Variants in ATRNL1 observed in about 807,000 individuals in gnomAD.
ATRNL1 encodes attractin like 1.
In ATRNL1, 95 loss-of-function variants were observed where a neutral mutation model predicts 182.7. That is an observed-to-expected ratio of 0.52 (90% CI 0.44 to 0.62). ATRNL1 has a LOEUF of 0.62. Among genes scored for constraint, ATRNL1 ranks in the 20% least tolerant of loss-of-function variants. The pLI, the probability that ATRNL1 is intolerant of heterozygous loss-of-function variation, is 0.00. For missense variants in ATRNL1, 1,471 were observed against 1,679.5 expected, an observed-to-expected ratio of 0.88 and a Z score of 2.17; for synonymous variants, 576 against 568.3, an observed-to-expected ratio of 1.01 and a Z score of -0.19.
chr10:115,271,468 C>T (rs782811876), intron 13 of ATRNL1, among the ~76,000 whole-genome samples: 3 of 151,876 alleles, frequency 2.0e-5, no homozygotes, highest in Non-Finnish European at 4.4e-5. Flanking sequence ...GGCAATTCCT[C>T]AACGATCTAG....
Position 115,103,178 on chromosome 10 carries a change from C to T in ATRNL1, c.293+9135C>T, listed in dbSNP as rs139995873. Among the ~76,000 whole-genome samples the T allele has an allele frequency of 3.8e-3, 571 of 151,670 alleles. 7 individuals are homozygous for T. Among genetic ancestry groups the T allele is most frequent in the African/African-American group, 0.014 (561 of 41,346 alleles). On this transcript the variant is annotated intron_variant, in intron 1 of 28. Transcript: ENST00000355044. ...TCAGCCTCCTGAGTAGCTGGGATTACGGGCGCCCATCATCACGCCTGGCTG... is the reference window on the plus strand; with the variant it reads ...TCAGCCTCCTGAGTAGCTGGGATTATGGGCGCCCATCATCACGCCTGGCTG...
At chr10:115,299,766 G>C (rs568927998) in intron 15 of ATRNL1, among the ~76,000 whole-genome samples, 1 of 152,160 alleles carries the variant, frequency 6.6e-6, no homozygotes, top group African/African-American at 2.4e-5. Flanking sequence ...CTTTATAGAA[G>C]AGTAAACTGA....
At chr10:115,098,453 CTTTTTTTT>C (rs71010006) in intron 1 of ATRNL1, among the ~76,000 whole-genome samples, 151 of 80,748 alleles carry the variant, frequency 1.9e-3, no homozygotes, top group African/African-American at 7.0e-3. Flanking sequence ...ATACTAGTTT[CTTTTTTTT>C]TTTTTTTTTT....
At chr10:115,920,967 G>A (rs918487949) in intron 28 of ATRNL1, among the ~76,000 whole-genome samples, 2 of 152,112 alleles carry the variant, frequency 1.3e-5, no homozygotes, top group African/African-American at 4.8e-5. Flanking sequence ...GTTAGAAATA[G>A]TACAATAACA....
intron 18 of ATRNL1, among the ~76,000 whole-genome samples, chr10:115,318,192 C>T (rs758556749): frequency 2.0e-5 from 3 of 152,064 alleles, no homozygotes; most frequent in East Asian, 1.9e-4. Context: ...CGAGGAGTTA[C>T]GTTTATTGAT....
At chr10:115,432,331 C>G (rs1554964155) in intron 21 of ATRNL1, among the ~76,000 whole-genome samples, 2 of 152,022 alleles carry the variant, frequency 1.3e-5, no homozygotes, top group African/African-American at 4.8e-5. Flanking sequence ...TTGGACAACT[C>G]TTCTCTAGAT....
At chr10:115,387,447 T>C (rs1009086580) in intron 19 of ATRNL1, among the ~76,000 whole-genome samples, 29 of 152,230 alleles carry the variant, frequency 1.9e-4, no homozygotes, top group Non-Finnish European at 3.1e-4. Context: ...ATTAATATAA[T>C]TGTTTTCTAT....
chr10:115,734,154 A>G (rs546475629), intron 27 of ATRNL1, among the ~76,000 whole-genome samples: 7 of 151,586 alleles, frequency 4.6e-5, no homozygotes, highest in Non-Finnish European at 8.8e-5. Context: ...ATAAGACTGC[A>G]TTTCATTTTT....
intron 28 of ATRNL1, among the ~76,000 whole-genome samples, chr10:115,857,255 G>A (rs939891987): frequency 6.6e-6 from 1 of 152,104 alleles, no homozygotes; most frequent in South Asian, 2.1e-4. Flanking sequence ...TAGGCTATTA[G>A]TAGTTAAGTT....
chr10:115,744,819 G>T (rs566919633), intron 27 of ATRNL1, among the ~76,000 whole-genome samples: 1 of 151,964 alleles, frequency 6.6e-6, no homozygotes, highest in African/African-American at 2.4e-5. Flanking sequence ...GAATTGTGAG[G>T]GCAATATAGT....
chr10:115,215,689 T>C lies in ATRNL1; in HGVS notation c.1349-8T>C. 5.7e-6 allele frequency: 9 copies of C among 1,576,976 alleles called. No homozygotes were observed. Among genetic ancestry groups the C allele is most frequent in the African/African-American group, 1.4e-5 (1 of 72,918 alleles). On this transcript the variant is annotated splice_polypyrimidine_tract_variant and splice_region_variant and intron_variant, in intron 8 of 28. Transcript: ENST00000355044. Reference sequence around the variant, plus strand: ...TGAAATTTATAATGTATTTTATTTCTGTTACAGCATCAAACACTTGGCTTG... The same window carrying C: ...TGAAATTTATAATGTATTTTATTTCCGTTACAGCATCAAACACTTGGCTTG...
At chr10:115,751,209 A>G (rs1948438961) in intron 27 of ATRNL1, among the ~76,000 whole-genome samples, 1 of 151,986 alleles carries the variant, frequency 6.6e-6, no homozygotes, top group Admixed American at 6.6e-5. Context: ...GGGGACTGCA[A>G]GCCAAGGAAT....
At position 115,199,515 on chromosome 10, in the gene ATRNL1, G is replaced by T. The variant is rs1317741744; in HGVS notation, c.1349-16182G>T. Reference sequence around the variant, plus strand: ...GGCAGTGGGGGTTGCAGTGAGCTGAGATTGCACCACTGCACTTCAGCCTGG... The same window carrying T: ...GGCAGTGGGGGTTGCAGTGAGCTGATATTGCACCACTGCACTTCAGCCTGG... On this transcript the variant is annotated intron_variant, in intron 8 of 28. Transcript: ENST00000355044. 2.1e-4 allele frequency among the ~76,000 whole-genome samples: 32 copies of T among 151,912 alleles called. 1 individual carries two copies. The highest frequency in any genetic ancestry group is 2.1e-3 in the Admixed American group (32 of 15,226).
chr10:115,186,142 C>A (rs541816265), intron 8 of ATRNL1, among the ~76,000 whole-genome samples: 27 of 151,938 alleles, frequency 1.8e-4, no homozygotes, highest in African/African-American at 6.3e-4. Flanking sequence ...CAACTTAAAA[C>A]AACCCGATTA....
At chr10:115,277,692 A>G (rs568099429) in intron 13 of ATRNL1, among the ~76,000 whole-genome samples, 13 of 151,990 alleles carry the variant, frequency 8.6e-5, no homozygotes, top group African/African-American at 3.1e-4. Flanking sequence ...TTTAATATCT[A>G]TTTTTCATGA....
chr10:115,490,887 C>T (rs1280291451), intron 24 of ATRNL1, among the ~76,000 whole-genome samples: 1 of 152,160 alleles, frequency 6.6e-6, no homozygotes, highest in Non-Finnish European at 1.5e-5. Flanking sequence ...TGGTCTTTGA[C>T]GTTGGTGACC....
chr10:115,484,766 C>CA (rs1848939123), intron 24 of ATRNL1, among the ~76,000 whole-genome samples: 1 of 151,744 alleles, frequency 6.6e-6, no homozygotes, highest in South Asian at 2.1e-4. Flanking sequence ...TTTTACAGTT[C>CA]AAAAATCTTT....
intron 15 of ATRNL1, among the ~76,000 whole-genome samples, chr10:115,287,924 G>GTTTTTTTTTTTTTTTTTTTTT (rs11298663): frequency 3.3e-5 from 3 of 91,020 alleles, no homozygotes; most frequent in African/African-American, 8.4e-5. Flanking sequence ...AAGATCAACT[G>GTTTTTTTTTTTTTTTTTTTTT]TTTTTTTTTT....
chr10:115,932,707 ATGCC>A (rs1953438964), intron 28 of ATRNL1, among the ~76,000 whole-genome samples: 1 of 152,198 alleles, frequency 6.6e-6, no homozygotes, highest in Non-Finnish European at 1.5e-5. Flanking sequence ...ATTTATTTTA[ATGCC>A]AAACTTTTAA....
Sources: allele counts gnomAD v4.1 joint callset (sites outside exome capture counted in the v4.1 genomes callset), GRCh38; gene constraint gnomAD v4.1.1; transcripts MANE v1.5; gene names NCBI Gene and HGNC (gene_info 2026-07-23, HGNC 2026-07-21).